The following SRRM4 variants were observed in gnomAD, a reference collection of about 807,000 sequenced individuals.
SRRM4 encodes serine/arginine repetitive matrix 4.
In SRRM4, 33 loss-of-function variants were observed where a neutral mutation model predicts 68.9. That is an observed-to-expected ratio of 0.48 (90% CI 0.36 to 0.64). SRRM4 has a LOEUF of 0.64. SRRM4 is among the 30% of genes least tolerant of loss of function. The probability of loss-of-function intolerance (pLI) is 0.00; values close to 1 mark genes in which losing one functional copy is unlikely to be tolerated. For synonymous variants in SRRM4, 318 were observed against 318.8 expected (o/e 1.00, Z 0.03); for missense variants, 817 against 827.1 (o/e 0.99, Z 0.15).
rs114924751 is a variant in SRRM4 at position 119,086,737 on chromosome 12, G to A, written c.132-15499G>A. On this transcript the variant is annotated intron_variant, in intron 1 of 12. Transcript: ENST00000267260. ...TAGATCAAAATAGCTGTAGGAAGAA[G>A]CCAGAGCTTTGGCTAGATGGTTGAT... is the stretch of plus-strand genomic sequence containing the variant. Among the ~76,000 whole-genome samples, 972 of 152,322 alleles carry A rather than the reference G, an allele frequency of 6.4e-3. 19 individuals are homozygous for A. Among genetic ancestry groups the A allele is most frequent in the African/African-American group, 0.022 (910 of 41,558 alleles).
chr12:119,115,337 T>C (rs1181602799), intron 3 of SRRM4, among the ~76,000 whole-genome samples: 1 of 152,200 alleles, frequency 6.6e-6, no homozygotes, highest in Non-Finnish European at 1.5e-5. Context: ...TTTAAAATGA[T>C]TTCCAGATTT....
intron 2 of SRRM4, chr12:119,114,024 C>T (rs1954161521): frequency 6.5e-6 from 2 of 307,130 alleles, no homozygotes; most frequent in East Asian, 1.0e-4. Flanking sequence ...GAGTAGTTAA[C>T]CTCTATAACT....
intron 1 of SRRM4, among the ~76,000 whole-genome samples, chr12:119,074,562 G>A (rs1953896987): frequency 6.6e-6 from 1 of 152,168 alleles, no homozygotes; most frequent in Admixed American, 6.5e-5. Context: ...CATATGAAGA[G>A]GAAAAGAGTA....
chr12:119,141,735 C>T (rs1434392386), intron 8 of SRRM4, among the ~76,000 whole-genome samples: 1 of 152,216 alleles, frequency 6.6e-6, no homozygotes, highest in Non-Finnish European at 1.5e-5. Flanking sequence ...CAACATTGAA[C>T]CAGTCATGGC....
At chr12:118,982,040 GA>G (rs1565882557) in intron 1 of SRRM4, 27 bp downstream of exon 1, 1 of 1,591,856 alleles carries the variant, frequency 6.3e-7, no homozygotes, top group Admixed American at 1.7e-5. Flanking sequence ...TAGAAGGGGG[GA>G]TCCTGAAGGT....
chr12:119,118,841 G>A (rs149106496), intron 4 of SRRM4, among the ~76,000 whole-genome samples: 4 of 152,196 alleles, frequency 2.6e-5, no homozygotes, highest in South Asian at 2.1e-4. Context: ...TTTCCTGCCC[G>A]GTCAGCCCAG....
chr12:119,043,446 T>C (rs1594040767), intron 1 of SRRM4, among the ~76,000 whole-genome samples: 1 of 152,242 alleles, frequency 6.6e-6, no homozygotes, highest in African/African-American at 2.4e-5. Context: ...TGGGGCTTAA[T>C]ACCTAGGTGA....
At chr12:119,113,807 C>T (rs375000381) in intron 2 of SRRM4, among the ~76,000 whole-genome samples, 4 of 152,236 alleles carry the variant, frequency 2.6e-5, no homozygotes, top group South Asian at 2.1e-4. Context: ...ATATAAGATA[C>T]GTATCTCGTT....
chr12:119,091,228 G>A (rs184621625), intron 1 of SRRM4, among the ~76,000 whole-genome samples: 78 of 152,310 alleles, frequency 5.1e-4, no homozygotes, highest in African/African-American at 1.7e-3. Context: ...CTGCAGTGGA[G>A]GGAGAGACAA....
intron 1 of SRRM4, among the ~76,000 whole-genome samples, chr12:119,040,874 T>TA (rs940113249): frequency 1.8e-4 from 28 of 152,102 alleles, no homozygotes; most frequent in African/African-American, 6.7e-4. Flanking sequence ...CTCAGCCTCC[T>TA]GAGAAGCTGG....
intron 8 of SRRM4, among the ~76,000 whole-genome samples, chr12:119,140,288 G>A (rs1761636336): frequency 6.6e-6 from 1 of 151,300 alleles, no homozygotes; most frequent in African/African-American, 2.4e-5. Flanking sequence ...TGAAGCAGGA[G>A]AATCGCTTGA....
chr12:119,071,651 C>T (rs1292730705), intron 1 of SRRM4, among the ~76,000 whole-genome samples: 1 of 152,130 alleles, frequency 6.6e-6, no homozygotes, highest in Non-Finnish European at 1.5e-5. Flanking sequence ...CAGGCCTCTC[C>T]TTAATCAGTC....
chr12:118,994,837 C>A (rs1953338964), intron 1 of SRRM4, among the ~76,000 whole-genome samples: 1 of 152,168 alleles, frequency 6.6e-6, no homozygotes, highest in South Asian at 2.1e-4. Flanking sequence ...GGCTTATGTT[C>A]AAAAGCGAGT....
At chr12:119,087,276 C>T (rs7958250) in intron 1 of SRRM4, among the ~76,000 whole-genome samples, 45,629 of 152,040 alleles carry the variant, frequency 0.3, 7,066 homozygotes, top group Non-Finnish European at 0.32. Flanking sequence ...CACGAATATC[C>T]ACTGTAACTA....
chr12:119,077,510 G>A (rs557887095), intron 1 of SRRM4, among the ~76,000 whole-genome samples: 1 of 152,174 alleles, frequency 6.6e-6, no homozygotes, highest in South Asian at 2.1e-4. Flanking sequence ...TTCACTGAGA[G>A]GATTAAATTT....
intron 1 of SRRM4, among the ~76,000 whole-genome samples, chr12:119,010,685 G>GCT (rs1208536741): frequency 6.6e-6 from 1 of 152,188 alleles, no homozygotes; most frequent in Non-Finnish European, 1.5e-5. Context: ...TCCATGACCA[G>GCT]CTCTTGATGT....
intron 10 of SRRM4, among the ~76,000 whole-genome samples, chr12:119,153,103 T>G (rs910184893): frequency 2.0e-5 from 3 of 152,256 alleles, no homozygotes; most frequent in Non-Finnish European, 2.9e-5. Flanking sequence ...TGGTTCAATG[T>G]CTGGCACATA....
chr12:119,126,394 C>T (rs1459499214), intron 7 of SRRM4, among the ~76,000 whole-genome samples: 1 of 152,004 alleles, frequency 6.6e-6, no homozygotes, highest in Non-Finnish European at 1.5e-5. Context: ...TATTGTTATC[C>T]CCATTTTAAA....
intron 1 of SRRM4, among the ~76,000 whole-genome samples, chr12:119,083,673 T>G (rs973767202): frequency 3.9e-5 from 6 of 152,192 alleles, no homozygotes; most frequent in Non-Finnish European, 8.8e-5. Flanking sequence ...TATAAGGGAA[T>G]GGTCCCATTC....
Sources: gnomAD v4.1 joint callset for allele counts (sites outside exome capture counted in the v4.1 genomes callset) on GRCh38, gnomAD v4.1.1 for gene constraint, MANE v1.5 for transcripts, NCBI Gene and HGNC (gene_info 2026-07-23, HGNC 2026-07-21) for gene names.